MYO1H: variants seen among roughly 807,000 people sequenced by gnomAD.
MYO1H encodes unconventional myosin-Ih.
A neutral mutation model predicts 149.3 loss-of-function variants in MYO1H; 118 were observed. That is an observed-to-expected ratio of 0.79 (90% CI 0.68 to 0.92). The LOEUF is 0.92. Ranked by LOEUF, MYO1H falls within the 40% of genes least tolerant of loss-of-function variation. The pLI is 0.00. For synonymous variants in MYO1H, 447 were observed against 465.2 expected (o/e 0.96, Z 0.50); for missense variants, 1,212 against 1,280.7 (o/e 0.95, Z 0.82).
At chr12:109,341,688 T>C in the MYO1H span, among the ~76,000 whole-genome samples, 1 of 152,172 alleles carries the variant, frequency 6.6e-6, no homozygotes. Flanking sequence ...GGTGCATATT[T>C]GGGCTACTCT....
chr12:109,365,547 T>C (rs896549118), intron 1 of MYO1H, among the ~76,000 whole-genome samples: 1 of 152,208 alleles, frequency 6.6e-6, no homozygotes, highest in African/African-American at 2.4e-5. Context: ...GGTTGGAGGC[T>C]GGTTGGGAGC....
intron 1 of MYO1H, among the ~76,000 whole-genome samples, chr12:109,368,579 C>T (rs1868916636): frequency 6.8e-6 from 1 of 146,110 alleles, no homozygotes; most frequent in Admixed American, 7.2e-5. Context: ...TTGCTTGAAC[C>T]CGAGAGGTGG....
In MYO1H at chr12:109,439,799, T is replaced by G; in HGVS notation, c.2454+9T>G. ...CTGGCATCTTGGAAAATGTAAGGAC[T>G]AATCTGGGATTTCCAGTGTTGTAAG... On this transcript the variant is annotated intron_variant, in intron 24 of 31. Transcript: ENST00000310903. The G allele has an allele frequency of 6.2e-7, 1 of 1,611,856 alleles. No homozygotes were observed.
At chr12:109,331,607 G>A in the MYO1H span, among the ~76,000 whole-genome samples, 1 of 152,140 alleles carries the variant, frequency 6.6e-6, no homozygotes, top group African/African-American at 2.4e-5. Context: ...CTTCGGGAGC[G>A]GTAGCTTTCA....
Position 109,432,889 on chromosome 12 carries a change from T to A in MYO1H, c.1950-8T>A, listed in dbSNP as rs1871694692. 6.2e-7 allele frequency: 1 copy of A among 1,612,546 alleles called. No homozygotes were observed. The highest frequency in any genetic ancestry group is 1.3e-5 in the African/African-American group (1 of 74,886). On this transcript the variant is annotated splice_polypyrimidine_tract_variant and splice_region_variant and intron_variant, in intron 19 of 31. Transcript: ENST00000310903. ...TCACAGCTTCTCCATGTCCATCTCC[T>A]CTCCTAGGTACAAGTCCTTATGCCC...
upstream of MYO1H, among the ~76,000 whole-genome samples, chr12:109,344,685 A>G (rs192562109): frequency 1.4e-3 from 210 of 152,340 alleles, 1 homozygote; most frequent in Non-Finnish European, 2.4e-3. Flanking sequence ...AACTATCTTT[A>G]AAAAGGGAAA....
At position 109,415,906 on chromosome 12, in the gene MYO1H, C is replaced by CATTTTATTTT. The variant is rs78343064; in HGVS notation, c.1597+326_1597+335dup. On this transcript the variant is annotated intron_variant, in intron 15 of 31. Transcript: ENST00000310903. Reference sequence around the variant, plus strand: ...GAGTTGTGAAAACATTACCACCATTCATTTTATTTTATTTTATTTTATTTT... The same window carrying CATTTTATTTT: ...GAGTTGTGAAAACATTACCACCATTCATTTTATTTTATTTTATTTTATTTTATTTTATTTT... Among the ~76,000 whole-genome samples the CATTTTATTTT allele has an allele frequency of 1.8e-3, 259 of 144,570 alleles. 1 individual carries two copies. Among genetic ancestry groups the CATTTTATTTT allele is most frequent in the African/African-American group, 2.8e-3 (107 of 38,672 alleles). 94.8% of individuals were successfully genotyped at this position (144,570 alleles called of 152,430 possible). A position where few individuals can be genotyped will look rare whatever the true frequency, so the allele number is the denominator to read the frequency against.
chr12:109,410,617 A>G, intron 12 of MYO1H, 71 bp from the exon 13 acceptor site: 1 of 974,694 alleles, frequency 1.0e-6, no homozygotes, highest in African/African-American at 1.6e-5. Context: ...GTTTTAGAAA[A>G]CCAATTTAAA....
At chr12:109,427,909 A>AAAAATATATATATATATATATATAT (rs1555254298) in intron 19 of MYO1H, among the ~76,000 whole-genome samples, 1 of 16,422 alleles carries the variant, frequency 6.1e-5, no homozygotes, top group Non-Finnish European at 1.0e-4. Context: ...AAAAAAAAAA[A>AAAAATATATATATATATATATATAT]ATATATATAT....
intron 1 of MYO1H, among the ~76,000 whole-genome samples, chr12:109,385,027 A>C (rs1051831300): frequency 7.2e-5 from 11 of 152,268 alleles, no homozygotes; most frequent in Admixed American, 3.3e-4. Context: ...CACTAAATTT[A>C]AATTGTGCCT....
chr12:109,431,572 C>A (rs977510894), intron 19 of MYO1H, among the ~76,000 whole-genome samples: 3 of 152,164 alleles, frequency 2.0e-5, no homozygotes, highest in African/African-American at 7.2e-5. Flanking sequence ...AGCGACTCCT[C>A]CCGCTCCGGA....
At chr12:109,322,931 A>T in the MYO1H span, among the ~76,000 whole-genome samples, 1 of 151,400 alleles carries the variant, frequency 6.6e-6, no homozygotes, top group Non-Finnish European at 1.5e-5. Flanking sequence ...ACATGGTGAA[A>T]CCCCATCTCT....
intron 1 of MYO1H, among the ~76,000 whole-genome samples, chr12:109,358,544 G>T (rs1046761983): frequency 1.4e-4 from 22 of 152,112 alleles, no homozygotes; most frequent in African/African-American, 5.3e-4. Context: ...CTTCGTCTCC[G>T]GGACTGTTGT....
At chr12:109,325,551 A>C in the MYO1H span, among the ~76,000 whole-genome samples, 3 of 152,362 alleles carry the variant, frequency 2.0e-5, no homozygotes, top group East Asian at 3.9e-4. Flanking sequence ...AAAACACCAA[A>C]AGCAATTTCA....
chr12:109,333,193 G>C, the MYO1H span, among the ~76,000 whole-genome samples: 2 of 152,214 alleles, frequency 1.3e-5, no homozygotes, highest in African/African-American at 4.8e-5. Context: ...GGTGGCAGGT[G>C]CCTGTAATCC....
chr12:109,322,944 T>G, the MYO1H span, among the ~76,000 whole-genome samples: 1 of 150,458 alleles, frequency 6.6e-6, no homozygotes, highest in Admixed American at 6.6e-5. Context: ...CCATCTCTAC[T>G]AAAAATACAA....
intron 6 of MYO1H, among the ~76,000 whole-genome samples, chr12:109,402,173 C>CT (rs1164832147): frequency 6.6e-6 from 1 of 152,230 alleles, no homozygotes; most frequent in African/African-American, 2.4e-5. Flanking sequence ...ATAAAATTGA[C>CT]TGTCAGAATA....
At chr12:109,392,612 T>C (rs1869703239) in intron 2 of MYO1H, among the ~76,000 whole-genome samples, 1 of 151,102 alleles carries the variant, frequency 6.6e-6, no homozygotes, top group Admixed American at 6.6e-5. Context: ...ATCCCAGCTA[T>C]GGGAGGCTGA....
chr12:109,372,077 A>C (rs1170200872), intron 1 of MYO1H, among the ~76,000 whole-genome samples: 1 of 152,078 alleles, frequency 6.6e-6, no homozygotes, highest in Non-Finnish European at 1.5e-5. Context: ...TAAATTGTAA[A>C]TATTTTTCCT....
Sources: gnomAD v4.1 joint callset for allele counts (sites outside exome capture counted in the v4.1 genomes callset) on GRCh38, gnomAD v4.1.1 for gene constraint, MANE v1.5 for transcripts, NCBI Gene and HGNC (gene_info 2026-07-23, HGNC 2026-07-21) for gene names.